Variants in OLA1 observed in about 807,000 individuals in gnomAD.
OLA1 encodes obg-like ATPase 1.
A neutral mutation model predicts 48.4 loss-of-function variants in OLA1; 14 were observed. The ratio of observed to expected loss-of-function variants is 0.29; its 90% CI spans 0.19 to 0.45. The LOEUF is 0.45. OLA1 is among the 20% of genes least tolerant of loss of function. OLA1 has a pLI of 1.00. For missense variants in OLA1, 325 were observed against 467.1 expected (o/e 0.70, Z 2.80); for synonymous variants, 127 against 150.4 (o/e 0.84, Z 1.14).
intron 4 of OLA1, among the ~76,000 whole-genome samples, chr2:174,213,690 T>C (rs1002145891): frequency 5.9e-5 from 9 of 152,194 alleles, no homozygotes; most frequent in Non-Finnish European, 1.3e-4. Flanking sequence ...TGTATGAATT[T>C]AAAAAGAATT....
At chr2:174,224,284 C>G (rs543879161) in intron 3 of OLA1, among the ~76,000 whole-genome samples, 11 of 152,268 alleles carry the variant, frequency 7.2e-5, no homozygotes, top group Non-Finnish European at 1.3e-4. Context: ...TCCACTGCCC[C>G]CTCTCGGTAC....
chr2:174,246,161 G>A (rs566139244), intron 2 of OLA1, among the ~76,000 whole-genome samples: 3 of 151,704 alleles, frequency 2.0e-5, no homozygotes, highest in Non-Finnish European at 4.4e-5. Context: ...TTAGCTGGGC[G>A]TGGTGGTGCG....
chr2:174,158,461 T>A (rs766105617), intron 4 of OLA1, among the ~76,000 whole-genome samples: 16 of 152,132 alleles, frequency 1.1e-4, no homozygotes, highest in Non-Finnish European at 1.9e-4. Flanking sequence ...ATTAAAAAAA[T>A]TTCTTTCCTG....
At chr2:174,203,459 T>A (rs1202901406) in intron 4 of OLA1, among the ~76,000 whole-genome samples, 1 of 136,520 alleles carries the variant, frequency 7.3e-6, no homozygotes, top group Admixed American at 7.6e-5. Flanking sequence ...ACTGTCTAGC[T>A]AACATCTTTT....
intron 2 of OLA1, 21 bp downstream of exon 2, chr2:174,246,694 A>G (rs1330133081): frequency 1.4e-6 from 2 of 1,460,836 alleles, no homozygotes; most frequent in Non-Finnish European, 1.9e-6. Context: ...GAAAATCACA[A>G]AAGCCCCAAC....
intron 7 of OLA1, among the ~76,000 whole-genome samples, chr2:174,112,363 C>T (rs1186120292): frequency 6.6e-6 from 1 of 152,196 alleles, no homozygotes; most frequent in African/African-American, 2.4e-5. Flanking sequence ...ATGGCACCTA[C>T]TTTACAAGCT....
At chr2:174,078,249 T>C (rs1457845729) in intron 10 of OLA1, among the ~76,000 whole-genome samples, 1 of 151,832 alleles carries the variant, frequency 6.6e-6, no homozygotes, top group Non-Finnish European at 1.5e-5. Context: ...TCTTCAAATA[T>C]TAAATTAAAT....
At chr2:174,188,371 A>AAATAATAATAATAAT (rs34087383) in intron 4 of OLA1, among the ~76,000 whole-genome samples, 5 of 149,260 alleles carry the variant, frequency 3.3e-5, no homozygotes, top group South Asian at 2.1e-4. Flanking sequence ...TTCCTCCTAA[A>AAATAATAATAATAAT]AATAATAATA....
At chr2:174,174,526 C>A (rs749972369) in intron 4 of OLA1, among the ~76,000 whole-genome samples, 1 of 151,960 alleles carries the variant, frequency 6.6e-6, no homozygotes, top group Non-Finnish European at 1.5e-5. Flanking sequence ...ACTACTTCAA[C>A]CTGATTAAGG....
intron 7 of OLA1, among the ~76,000 whole-genome samples, chr2:174,084,554 T>C (rs1432282020): frequency 2.0e-5 from 3 of 152,226 alleles, no homozygotes; most frequent in Non-Finnish European, 4.4e-5. Context: ...ATTTCAAGAT[T>C]ATAGACTGAA....
intron 4 of OLA1, among the ~76,000 whole-genome samples, chr2:174,170,878 T>C (rs1169475731): frequency 6.6e-6 from 1 of 152,156 alleles, no homozygotes; most frequent in Non-Finnish European, 1.5e-5. Flanking sequence ...CACCCTAGCC[T>C]GTGTAACAGC....
chr2:174,125,579 T>C (rs1452420663), intron 5 of OLA1, among the ~76,000 whole-genome samples: 1 of 152,204 alleles, frequency 6.6e-6, no homozygotes, highest in Non-Finnish European at 1.5e-5. Context: ...ATAAAAAGTA[T>C]AAAATACTTC....
In OLA1 at chr2:174,123,297, A is replaced by C. The variant is rs1322386902; in HGVS notation, c.631-20T>G. 8.5e-7 allele frequency: 1 copy of C among 1,181,960 alleles called. No individual in the cohort carries two copies. The highest frequency in any genetic ancestry group is 2.3e-5 in the Admixed American group (1 of 42,566). 73.2% of individuals were successfully genotyped at this position (1,181,960 alleles called of 1,614,324 possible). A position where few individuals can be genotyped will look rare whatever the true frequency, so the allele number is the denominator to read the frequency against. ...TTCAATCTAAAGTGGGAGATGGAGA[A>C]AGAATCCCTTTTAAAAGTTTAGTAA... On this transcript the variant is annotated intron_variant, in intron 6 of 10. Coordinates refer to ENST00000284719, the MANE Select transcript of OLA1 (RefSeq NM_013341.5).
chr2:174,161,681 TACACACAC>T (rs55713860), intron 4 of OLA1, among the ~76,000 whole-genome samples: 3,072 of 141,088 alleles, frequency 0.022, 107 homozygotes, highest in African/African-American at 0.074. Flanking sequence ...AAAAAAAAAA[TACACACAC>T]ACACACACAC....
At chr2:174,217,055 T>A (rs746190325) in intron 4 of OLA1, among the ~76,000 whole-genome samples, 2 of 152,160 alleles carry the variant, frequency 1.3e-5, no homozygotes, top group Non-Finnish European at 2.9e-5. Context: ...CTAACCCCAG[T>A]ATGTTCAAGG....
intron 4 of OLA1, among the ~76,000 whole-genome samples, chr2:174,212,939 C>A (rs1688276837): frequency 6.6e-6 from 1 of 152,110 alleles, no homozygotes; most frequent in Non-Finnish European, 1.5e-5. Context: ...TTTTTAATAA[C>A]TAGAAAGAGT....
chr2:174,115,554 TA>T (rs1685761700), intron 7 of OLA1, among the ~76,000 whole-genome samples: 1 of 152,218 alleles, frequency 6.6e-6, no homozygotes, highest in African/African-American at 2.4e-5. Context: ...TGTACTTAAA[TA>T]AAAACATATA....
In OLA1 at chr2:174,154,339, C is replaced by T. The variant is rs932012495; in HGVS notation, c.374-12339G>A. 3.0e-4 allele frequency among the ~76,000 whole-genome samples: 46 copies of T among 152,160 alleles called. 1 individual carries two copies. The highest frequency in any genetic ancestry group is 1.6e-4 in the Non-Finnish European group (11 of 68,022). On this transcript the variant is annotated intron_variant, in intron 4 of 10. Coordinates refer to ENST00000284719, the MANE Select transcript of OLA1 (RefSeq NM_013341.5). Reference sequence around the variant, plus strand: ...TAGCCCTGTATAAACTGACCTTGCCCTCACCCTTCAAACCTTACCATCACC... The same window carrying T: ...TAGCCCTGTATAAACTGACCTTGCCTTCACCCTTCAAACCTTACCATCACC...
chr2:174,196,252 C>T (rs1416968159), intron 4 of OLA1, among the ~76,000 whole-genome samples: 9 of 151,962 alleles, frequency 5.9e-5, no homozygotes, highest in Admixed American at 5.9e-4. Context: ...TAGAAAAATA[C>T]TATTAAAGTG....
Sources: gnomAD v4.1 joint callset for allele counts (sites outside exome capture counted in the v4.1 genomes callset) on GRCh38, gnomAD v4.1.1 for gene constraint, MANE v1.5 for transcripts, NCBI Gene and HGNC (gene_info 2026-07-23, HGNC 2026-07-21) for gene names.